Variants in PRKDC observed in about 807,000 individuals in gnomAD.
PRKDC encodes the protein DNA-dependent protein kinase catalytic subunit.
A neutral mutation model predicts 486.9 loss-of-function variants in PRKDC; 82 were observed. The observed-to-expected ratio is 0.17, with a 90% confidence interval of 0.14 to 0.20. The LOEUF is 0.20. Ranked by LOEUF, PRKDC falls within the 10% of genes least tolerant of loss-of-function variation. The pLI, the probability that PRKDC is intolerant of heterozygous loss-of-function variation, is 1.00. For missense variants in PRKDC, 4,504 were observed against 5,038.2 expected, an observed-to-expected ratio of 0.89 and a Z score of 3.21; for synonymous variants, 1,895 against 1,837.0, an observed-to-expected ratio of 1.03 and a Z score of -0.81.
chr8:47,931,190 T>G (rs1367706267), intron 16 of PRKDC, among the ~76,000 whole-genome samples: 1 of 152,226 alleles, frequency 6.6e-6, no homozygotes, highest in Non-Finnish European at 1.5e-5. Context: ...TGGAAGTGCA[T>G]GAAGATCAGT....
chr8:47,956,128 G>A lies in PRKDC; in HGVS notation c.325-180C>T, dbSNP rs189109778. On this transcript the variant is annotated intron_variant, in intron 3 of 85. Transcript: ENST00000314191. ...CTATAATCCCAACACTTTGGGAGGC[G>A]GAGGTAGGCGATCACCTGAGGTCAG... is the stretch of plus-strand genomic sequence containing the variant. 9.8e-4 allele frequency among the ~76,000 whole-genome samples: 150 copies of A among 152,286 alleles called. 1 individual carries two copies. Among genetic ancestry groups the A allele is most frequent in the Admixed American group, 9.0e-3 (138 of 15,296 alleles).
At position 47,927,240 on chromosome 8, in the gene PRKDC, G is replaced by A. The variant is rs2090170004; in HGVS notation, c.2373C>T (p.Asp791=). The part of the protein sequence containing the change: ...DRHVMQPYYK[D]ILPCLDGYLK... ...GGTATCCATCCAGGCAGGGGAGAATGTCTTTGTAATAAGGCTGCATTACAT... is the reference window on the plus strand; with the variant it reads ...GGTATCCATCCAGGCAGGGGAGAATATCTTTGTAATAAGGCTGCATTACAT... The change falls in exon 21 of 86, where the codon GAC becomes GAT. Residue 791 remains aspartate (D), a synonymous_variant. Coordinates refer to ENST00000314191, the MANE Select transcript of PRKDC (RefSeq NM_006904.7). The A allele has an allele frequency of 1.2e-6, 2 of 1,613,672 alleles. No homozygotes were observed. Among genetic ancestry groups the A allele is most frequent in the Non-Finnish European group, 1.7e-6 (2 of 1,179,788 alleles).
At chr8:47,853,093 G>A (rs897673432) in intron 51 of PRKDC, among the ~76,000 whole-genome samples, 8 of 152,166 alleles carry the variant, frequency 5.3e-5, no homozygotes, top group Admixed American at 2.6e-4. Flanking sequence ...CCAAGATCAC[G>A]GGACACTGAC....
At position 47,783,743 on chromosome 8, in the gene PRKDC, C is replaced by G. The variant is rs546491566; in HGVS notation, c.11174G>C (p.Arg3725Pro). Residue 3725 changes from arginine to proline, a missense_variant and splice_region_variant, in exon 78 of 86, where the codon CGG becomes CCG. Coordinates refer to ENST00000314191, the MANE Select transcript of PRKDC (RefSeq NM_006904.7). ...YHVRIAGFDE[R>P]VTVMASLRRP... ...TGGGTCACACACCCTCACACCTACC[C>G]GCTCATCAAACCCGGCGATTCGCAC... The G allele has an allele frequency of 1.9e-6, 3 of 1,613,934 alleles. No homozygotes were observed. Among genetic ancestry groups the G allele is most frequent in the African/African-American group, 1.3e-5 (1 of 75,020 alleles).
intron 33 of PRKDC, 141 bp from the exon 34 acceptor site, chr8:47,888,791 A>G: frequency 7.8e-7 from 1 of 1,281,440 alleles, no homozygotes; most frequent in Non-Finnish European, 1.1e-6. Flanking sequence ...GCTAGCATGG[A>G]GATCAAACAT....
intron 50 of PRKDC, among the ~76,000 whole-genome samples, chr8:47,854,459 C>CAAG (rs1171026624): frequency 6.6e-6 from 1 of 152,144 alleles, no homozygotes; most frequent in African/African-American, 2.4e-5. Flanking sequence ...CTGCCTCAGC[C>CAAG]TCCCAAGCAG....
intron 48 of PRKDC, among the ~76,000 whole-genome samples, chr8:47,857,866 T>TA (rs1277576700): frequency 6.6e-6 from 1 of 152,108 alleles, no homozygotes; most frequent in Non-Finnish European, 1.5e-5. Flanking sequence ...CCCCACCACT[T>TA]AGTGCCCTTA....
In PRKDC at chr8:47,935,794, A is replaced by C; in HGVS notation, c.1385T>G (p.Val462Gly). 6.2e-7 allele frequency: 1 copy of C among 1,614,028 alleles called. No homozygotes were observed. The highest frequency in any genetic ancestry group is 8.5e-7 in the Non-Finnish European group (1 of 1,179,884). ...KMQLVCCRAI[V>G]KVFLALAAKG... ...TGCTGCCAAAGCTAGGAACACCTTC[A>C]CTATGGCTCTGCAACACACCAGCTG... is the stretch of plus-strand genomic sequence containing the variant. The change falls in exon 13 of 86, where the codon GTG (valine) becomes GGG (glycine). Residue 462 changes from valine to glycine, a missense_variant. Around this residue, in one of 6 missense-constraint regions of PRKDC, gnomAD observed 1,969 missense variants for 2,068.9 expected, o/e 0.95. Coordinates refer to ENST00000314191, the MANE Select transcript of PRKDC (RefSeq NM_006904.7).
At chr8:47,811,644 C>G (rs1163775670) in intron 68 of PRKDC, among the ~76,000 whole-genome samples, 1 of 152,070 alleles carries the variant, frequency 6.6e-6, no homozygotes, top group Admixed American at 6.6e-5. Flanking sequence ...TGAAATCCAT[C>G]CACACACACA....
intron 58 of PRKDC, among the ~76,000 whole-genome samples, chr8:47,835,069 T>A (rs1314743672): frequency 6.6e-6 from 1 of 152,142 alleles, no homozygotes; most frequent in Non-Finnish European, 1.5e-5. Flanking sequence ...CAACAAAATG[T>A]GCAAAAAAAT....
In PRKDC at chr8:47,955,957, TAA is replaced by T; in HGVS notation, c.325-11_325-10del. ...ACACTGGTACAAGTGTTCTAGGTTTTAAAAAAAAAATAACCAAAATCATCAAT... is the reference window on the plus strand; with the variant it reads ...ACACTGGTACAAGTGTTCTAGGTTTTAAAAAAAATAACCAAAATCATCAAT... On this transcript the variant is annotated splice_polypyrimidine_tract_variant and intron_variant, in intron 3 of 85. Coordinates refer to ENST00000314191, the MANE Select transcript of PRKDC (RefSeq NM_006904.7). The T allele has an allele frequency of 1.4e-6, 2 of 1,441,712 alleles. No homozygotes were observed. The highest frequency in any genetic ancestry group is 1.9e-6 in the Non-Finnish European group (2 of 1,062,312). The allele number at this position is 1,441,712 out of a possible 1,614,324, so 89.3% of individuals were successfully genotyped here.
At chr8:47,886,214 G>A in intron 35 of PRKDC, 67 bp from the exon 36 acceptor site, 2 of 1,307,694 alleles carry the variant, frequency 1.5e-6, no homozygotes, top group South Asian at 3.5e-5. Flanking sequence ...AAGACCCTTG[G>A]GCAACTGATA....
Position 47,779,079 on chromosome 8 carries a change from G to T in PRKDC, c.11504C>A (p.Pro3835Gln). 1 of 1,593,720 alleles carries T rather than the reference G, an allele frequency of 6.3e-7. No individual in the cohort carries two copies. The highest frequency in any genetic ancestry group is 8.6e-7 in the Non-Finnish European group (1 of 1,169,118). ...CAGCCAATCTTTATATTCACACGGCGGTGCCCTGGGATCACTAATGAGTGA... is the reference window on the plus strand; with the variant it reads ...CAGCCAATCTTTATATTCACACGGCTGTGCCCTGGGATCACTAATGAGTGA... ...KAAYLSDPRA[P>Q]PCEYKDWLTK... The change falls in exon 81 of 86, where the codon CCG becomes CAG. Residue 3835 changes from proline (P) to glutamine (Q), a missense_variant. Pro to Gln is a moderately conservative substitution (Grantham distance 76). Coordinates refer to ENST00000314191, the MANE Select transcript of PRKDC (RefSeq NM_006904.7).
rs768014346 is a variant in PRKDC at position 47,893,216 on chromosome 8, A to C, written c.3770T>G (p.Leu1257Arg). 19 of 1,613,084 alleles carry C rather than the reference A, an allele frequency of 1.2e-5. No individual in the cohort carries two copies. The highest frequency in any genetic ancestry group is 1.5e-5 in the Non-Finnish European group (18 of 1,179,448). The change falls in exon 31 of 86, where the codon CTG becomes CGG. Residue 1257 changes from leucine to arginine, a missense_variant. This residue lies in a region of PRKDC where 1,969 missense variants were observed against 2,068.9 expected (regional missense o/e 0.95). Transcript: ENST00000314191. Reference protein sequence around the residue: ...PFSLQATLCWLDLLLAALECY... With the variant: ...PFSLQATLCWRDLLLAALECY... Reference sequence around the variant, plus strand: ...CTCCAACGCGGCCAGGAGCAGGTCCAGCCAGCATAGCGTGGCCTGCAGGCT... The same window carrying C: ...CTCCAACGCGGCCAGGAGCAGGTCCCGCCAGCATAGCGTGGCCTGCAGGCT...
intron 37 of PRKDC, 107 bp downstream of exon 37, chr8:47,881,805 A>G (rs1339119454): frequency 2.0e-6 from 2 of 1,006,856 alleles, no homozygotes; most frequent in Admixed American, 3.3e-5. Flanking sequence ...ATATTTTCTT[A>G]TTTGTCAAAC....
intron 22 of PRKDC, among the ~76,000 whole-genome samples, chr8:47,917,423 C>G (rs2090004096): frequency 6.6e-6 from 1 of 152,278 alleles, no homozygotes; most frequent in East Asian, 1.9e-4. Flanking sequence ...GTGAGAAGAA[C>G]TGACCCTAGA....
chr8:47,914,011 G>A lies in PRKDC; in HGVS notation c.2671C>T (p.Arg891Trp), dbSNP rs766419415. Residue 891 changes from arginine (R) to tryptophan (W), a missense_variant, in exon 24 of 86, where the codon CGG (arginine) becomes TGG (tryptophan). Coordinates refer to ENST00000314191, the MANE Select transcript of PRKDC (RefSeq NM_006904.7). ...KSYVAWDREK[R>W]LSFAVPFREM... ...CTAAAGGGCACTGCAAAGCTCAGCC[G>A]CTTCTCTCTGTCCCAGGCCACATAG... 4.4e-6 allele frequency: 7 copies of A among 1,599,126 alleles called. No individual in the cohort carries two copies. The highest frequency in any genetic ancestry group is 5.1e-6 in the Non-Finnish European group (6 of 1,172,444).
In PRKDC at chr8:47,786,960, C is replaced by G. The variant is rs1420214277; in HGVS notation, c.10903-1643G>C. ...GCCAGACTGGTCTCGAACTCCTGAC[C>G]CAGTGATCCGCCCGCCTCGCGCTCC... On this transcript the variant is annotated intron_variant, in intron 76 of 85. Transcript: ENST00000314191. Among the ~76,000 whole-genome samples, 4 of 151,828 alleles carry G rather than the reference C, an allele frequency of 2.6e-5. No homozygotes were observed. The South Asian group carries it at 8.3e-4, about 32-fold the overall frequency.
In PRKDC at chr8:47,789,251, A is replaced by T; in HGVS notation, c.10671-13T>A. On this transcript the variant is annotated splice_polypyrimidine_tract_variant and intron_variant, in intron 74 of 85. Coordinates refer to ENST00000314191, the MANE Select transcript of PRKDC (RefSeq NM_006904.7). ...CTTACTTTTAATCCTATTTAAAAAA[A>T]TTTACAAAGTTTAGGCAATCAAATA... 1 of 1,534,242 alleles carries T rather than the reference A, an allele frequency of 6.5e-7. No individual in the cohort carries two copies. The highest frequency in any genetic ancestry group is 1.3e-5 in the South Asian group (1 of 76,072).
Sources: gnomAD v4.1 joint callset for allele counts (sites outside exome capture counted in the v4.1 genomes callset) on GRCh38, gnomAD v4.1.1 for gene constraint, gnomAD v4.1.1 regional missense constraint, MANE v1.5 for transcripts, NCBI Gene and HGNC (gene_info 2026-07-23, HGNC 2026-07-21) for gene names.